Variants in ATOH7 observed in about 807,000 individuals in gnomAD.
ATOH7 encodes the protein atonal bHLH transcription factor 7.
In ATOH7, 11 loss-of-function variants were observed where a neutral mutation model predicts 11.0. The observed-to-expected ratio is 1.00, with a 90% CI of 0.63 to 1.66. The LOEUF (loss-of-function observed/expected upper bound fraction) is 1.66, where lower values mean the gene tolerates loss of function less well. Ranked by LOEUF, ATOH7 falls within the 40% of genes most tolerant of loss-of-function variation. The pLI is 0.00. For synonymous variants in ATOH7, 98 were observed against 98.3 expected (o/e 1.00, Z 0.02); for missense variants, 232 against 219.2 (o/e 1.06, Z -0.37).
rs747495757 is a variant in ATOH7, at chr10:68,231,453, C to G, written c.225G>C (p.Lys75Asn). ...TCTGCAGGGTCTCGTACTTGGACAG[C>G]TTTTTATCCTGGCCCCACTGGGGAA... ...RVVPQWGQDK[K>N]LSKYETLQMA... The change falls in exon 1 of 1, where the codon AAG (lysine) becomes AAC (asparagine). Residue 75 changes from lysine (K) to asparagine (N), a missense_variant. Lys to Asn is a moderately conservative substitution (Grantham distance 94, BLOSUM62 0). Transcript: ENST00000373673. The G allele has an allele frequency of 6.2e-7, 1 of 1,608,758 alleles. No homozygotes were observed. Among genetic ancestry groups the G allele is most frequent in the South Asian group, 1.1e-5 (1 of 90,466 alleles).
rs201162238 is a variant in ATOH7 at position 68,231,322 on chromosome 10, T to C, written c.356A>G (p.Asp119Gly). The C allele has an allele frequency of 2.3e-5, 37 of 1,612,666 alleles. No homozygotes were observed. The highest frequency in any genetic ancestry group is 5.9e-6 in the Non-Finnish European group (7 of 1,179,662). ...CGCGCCCGGGAACGGGAGGTAGTGG[T>C]CGCGGCCGAAGTGCTCACAGTGGAG... Reference protein sequence around the residue: ...VGLHCEHFGRDHYLPFPGAKL... With the variant: ...VGLHCEHFGRGHYLPFPGAKL... Residue 119 changes from aspartate to glycine, a missense_variant, in exon 1 of 1, where the codon GAC becomes GGC. Transcript: ENST00000373673.
Position 68,231,205 on chromosome 10 carries a change from C to T in ATOH7, c.*14G>A, listed in dbSNP as rs371394364. The stretch of plus-strand genomic sequence containing the variant: ...AGCGGCTGCCGGACACCCACCCCCG[C>T]GGAGGCGCGCGCCCTAGGTGGCCAT... On this transcript the variant is annotated 3_prime_UTR_variant, in exon 1 of 1. Coordinates refer to ENST00000373673, the MANE Select transcript of ATOH7 (RefSeq NM_145178.4). The T allele has an allele frequency of 2.0e-6, 3 of 1,500,312 alleles. No homozygotes were observed. The East Asian group carries it at 7.5e-5, about 37-fold the overall frequency. The allele number at this position is 1,500,312 out of a possible 1,614,324, so 92.9% of individuals were successfully genotyped here. A position where few individuals can be genotyped will look rare whatever the true frequency, so the allele number is the denominator to read the frequency against.
In ATOH7 at chr10:68,231,712, C is replaced by T. The variant is rs1228602597; in HGVS notation, c.-35G>A. On this transcript the variant is annotated 5_prime_UTR_variant, in exon 1 of 1. It adds an upstream start codon to the 5' untranslated region. Coordinates refer to ENST00000373673, the MANE Select transcript of ATOH7 (RefSeq NM_145178.4). ...CAAGCAGCGAGGCGCCGACCTCGCA[C>T]GCCCGCCCGCTCAGGACCTGCGCGT... The T allele has an allele frequency of 1.0e-5, 12 of 1,166,374 alleles. No individual in the cohort carries two copies. Among genetic ancestry groups the T allele is most frequent in the Non-Finnish European group, 1.3e-5 (12 of 935,470 alleles). 72.3% of individuals were successfully genotyped at this position (1,166,374 alleles called of 1,614,324 possible). A position where few individuals can be genotyped will look rare whatever the true frequency, so the allele number is the denominator to read the frequency against.
In ATOH7 at chr10:68,231,309, C is replaced by A. The variant is rs755930408; in HGVS notation, c.369G>T (p.Pro123=). ...CEHFGRDHYL[P]FPGAKLPGES... The stretch of plus-strand genomic sequence containing the variant: ...CGCCCGGCAGCTTCGCGCCCGGGAA[C>A]GGGAGGTAGTGGTCGCGGCCGAAGT... Residue 123 remains proline, a synonymous_variant, in exon 1 of 1, where the codon CCG becomes CCT. Transcript: ENST00000373673. 4 of 1,612,072 alleles carry A rather than the reference C, an allele frequency of 2.5e-6. No individual in the cohort carries two copies. The highest frequency in any genetic ancestry group is 3.4e-6 in the Non-Finnish European group (4 of 1,179,390).
chr10:68,231,521 T>A lies in ATOH7; in HGVS notation c.157A>T (p.Met53Leu). The change falls in exon 1 of 1, where the codon ATG (methionine) becomes TTG (leucine). Residue 53 changes from methionine to leucine, a missense_variant. By Grantham distance (15) the Met-to-Leu change is conservative (BLOSUM62 2). Coordinates refer to ENST00000373673, the MANE Select transcript of ATOH7 (RefSeq NM_145178.4). Reference sequence around the variant, plus strand: ...TCGAAGGCAGTGTTGAGCCCCTGCATGCGGCGGCGCTCGCGCGCGTTGGCC... The same window carrying A: ...TCGAAGGCAGTGTTGAGCCCCTGCAAGCGGCGGCGCTCGCGCGCGTTGGCC... ...LAANARERRR[M>L]QGLNTAFDRL... 3 of 1,368,810 alleles carry A rather than the reference T, an allele frequency of 2.2e-6. No homozygotes were observed. Among genetic ancestry groups the A allele is most frequent in the Non-Finnish European group, 2.9e-6 (3 of 1,048,502 alleles). The allele number at this position is 1,368,810 out of a possible 1,614,324, so 84.8% of individuals were successfully genotyped here.
At position 68,230,708 on chromosome 10, in the gene ATOH7, G is replaced by GA. The variant is rs34514031; in HGVS notation, c.*510dup. On this transcript the variant is annotated 3_prime_UTR_variant, in exon 1 of 1. Transcript: ENST00000373673. ...CACCGATACCCATGTACTGTACCCA[G>GA]AAAAAAAAAGTGTTTCTACTTCATG... 3.3e-5 allele frequency: 5 copies of GA among 151,400 alleles called. No homozygotes were observed. The highest frequency in any genetic ancestry group is 9.7e-5 in the African/African-American group (4 of 41,228). 9.4% of individuals were successfully genotyped at this position (151,400 alleles called of 1,614,324 possible). A position where few individuals can be genotyped will look rare whatever the true frequency, so the allele number is the denominator to read the frequency against.
In ATOH7 at chr10:68,230,866, T is replaced by G; in HGVS notation, c.*353A>C. On this transcript the variant is annotated 3_prime_UTR_variant, in exon 1 of 1. Coordinates refer to ENST00000373673, the MANE Select transcript of ATOH7 (RefSeq NM_145178.4). ...AAACTCACAAAGTTTAAGAAAGTGA[T>G]TATTTCTCTGAGGACTGGAACAGAA... 9.2e-6 allele frequency: 2 copies of G among 217,226 alleles called. No homozygotes were observed. Among genetic ancestry groups the G allele is most frequent in the Non-Finnish European group, 9.0e-6 (1 of 110,872 alleles). 13.5% of individuals were successfully genotyped at this position (217,226 alleles called of 1,614,324 possible). A position where few individuals can be genotyped will look rare whatever the true frequency, so the allele number is the denominator to read the frequency against.
chr10:68,231,398 G>A lies in ATOH7; in HGVS notation c.280C>T (p.Arg94Trp), dbSNP rs544409421. The A allele has an allele frequency of 2.1e-5, 34 of 1,613,988 alleles. 1 individual carries two copies. The Admixed American group carries it at 3.5e-4, about 17-fold the overall frequency. ...AATCGCTCGGCCTCGGCCAGGATCC[G>A]GGTCAGAGCCATGATGTAGCTCAGG... Reference protein sequence around the residue: ...MALSYIMALTRILAEAERFGS... With the variant: ...MALSYIMALTWILAEAERFGS... Residue 94 changes from arginine to tryptophan, a missense_variant, in exon 1 of 1, where the codon CGG (arginine) becomes TGG (tryptophan). Coordinates refer to ENST00000373673, the MANE Select transcript of ATOH7 (RefSeq NM_145178.4).
In ATOH7 at chr10:68,231,285, G is replaced by A. The variant is rs146898613; in HGVS notation, c.393C>T (p.Gly131=). 6.2e-7 allele frequency: 1 copy of A among 1,609,378 alleles called. No individual in the cohort carries two copies. The highest frequency in any genetic ancestry group is 2.2e-5 in the East Asian group (1 of 44,566). Residue 131 remains glycine (G), a synonymous_variant, in exon 1 of 1, where the codon GGC becomes GGT. Transcript: ENST00000373673. ...GTCTCTGGCTGTACAGCTCGCTCTC[G>A]CCCGGCAGCTTCGCGCCCGGGAACG... ...YLPFPGAKLP[G]ESELYSQRLF...
rs776797595 is a variant in ATOH7, at chr10:68,231,274, A to G, written c.404T>C (p.Leu135Pro). 9.3e-6 allele frequency: 15 copies of G among 1,605,534 alleles called. No homozygotes were observed. Among genetic ancestry groups the G allele is most frequent in the Non-Finnish European group, 1.2e-5 (14 of 1,177,210 alleles). ...GAAGCCGAAGAGTCTCTGGCTGTAC[A>G]GCTCGCTCTCGCCCGGCAGCTTCGC... ...PGAKLPGESE[L>P]YSQRLFGFQP... The change falls in exon 1 of 1, where the codon CTG (leucine) becomes CCG (proline). Residue 135 changes from leucine to proline, a missense_variant. Coordinates refer to ENST00000373673, the MANE Select transcript of ATOH7 (RefSeq NM_145178.4).
chr10:68,231,406 G>T lies in ATOH7; in HGVS notation c.272C>A (p.Ala91Asp). 1 of 1,613,998 alleles carries T rather than the reference G, an allele frequency of 6.2e-7. No individual in the cohort carries two copies. The highest frequency in any genetic ancestry group is 1.1e-5 in the South Asian group (1 of 91,076). ...TLQMALSYIM[A>D]LTRILAEAER... ...GGCCTCGGCCAGGATCCGGGTCAGA[G>T]CCATGATGTAGCTCAGGGCCATCTG... is the stretch of plus-strand genomic sequence containing the variant. The change falls in exon 1 of 1, where the codon GCT (alanine) becomes GAT (aspartate). Residue 91 changes from alanine to aspartate, a missense_variant. By Grantham distance (126) the Ala-to-Asp change is moderately radical. Transcript: ENST00000373673.
At position 68,231,753 on chromosome 10, in the gene ATOH7, G is replaced by T; in HGVS notation, c.-76C>A. On this transcript the variant is annotated 5_prime_UTR_variant, in exon 1 of 1. Transcript: ENST00000373673. Reference sequence around the variant, plus strand: ...ACCTGCGCGTGGGCTGGTCTCTCGAGCCGCTTCCCAACGTGCCTCTTCTGA... The same window carrying T: ...ACCTGCGCGTGGGCTGGTCTCTCGATCCGCTTCCCAACGTGCCTCTTCTGA... 1.0e-6 allele frequency: 1 copy of T among 997,358 alleles called. No individual in the cohort carries two copies. The highest frequency in any genetic ancestry group is 1.2e-6 in the Non-Finnish European group (1 of 805,432). The allele number at this position is 997,358 out of a possible 1,614,324, so 61.8% of individuals were successfully genotyped here. A position where few individuals can be genotyped will look rare whatever the true frequency, so the allele number is the denominator to read the frequency against.
chr10:68,231,169 C>A lies in ATOH7; in HGVS notation c.*50G>T. ...GGCTTCTGGGCTACTTGGGGCAGGG[C>A]CGAGGCTCGGAGCGGCTGCCGGACA... On this transcript the variant is annotated 3_prime_UTR_variant, in exon 1 of 1. Coordinates refer to ENST00000373673, the MANE Select transcript of ATOH7 (RefSeq NM_145178.4). The A allele has an allele frequency of 7.0e-7, 1 of 1,437,214 alleles. No individual in the cohort carries two copies. 89.0% of individuals were successfully genotyped at this position (1,437,214 alleles called of 1,614,324 possible). A position where few individuals can be genotyped will look rare whatever the true frequency, so the allele number is the denominator to read the frequency against.
At position 68,231,443 on chromosome 10, in the gene ATOH7, A is replaced by G; in HGVS notation, c.235T>C (p.Tyr79His). ...CTCAGGGCCATCTGCAGGGTCTCGTACTTGGACAGCTTTTTATCCTGGCCC... is the reference window on the plus strand; with the variant it reads ...CTCAGGGCCATCTGCAGGGTCTCGTGCTTGGACAGCTTTTTATCCTGGCCC... ...QWGQDKKLSK[Y>H]ETLQMALSYI... Residue 79 changes from tyrosine to histidine, a missense_variant, in exon 1 of 1, where the codon TAC becomes CAC. By Grantham distance (83) the Tyr-to-His change is moderately conservative. Transcript: ENST00000373673. 6.2e-7 allele frequency: 1 copy of G among 1,611,890 alleles called. No individual in the cohort carries two copies. The highest frequency in any genetic ancestry group is 8.5e-7 in the Non-Finnish European group (1 of 1,179,060).
chr10:68,230,946 G>A lies in ATOH7; in HGVS notation c.*273C>T, dbSNP rs1367154165. 5.1e-6 allele frequency: 2 copies of A among 391,400 alleles called. No homozygotes were observed. Among genetic ancestry groups the A allele is most frequent in the Admixed American group, 4.5e-5 (1 of 22,144 alleles). The allele number at this position is 391,400 out of a possible 1,614,324, so 24.2% of individuals were successfully genotyped here. A position where few individuals can be genotyped will look rare whatever the true frequency, so the allele number is the denominator to read the frequency against. On this transcript the variant is annotated 3_prime_UTR_variant, in exon 1 of 1. Transcript: ENST00000373673. ...TTTCCCTCAAAGTAGCCCAGAAAAG[G>A]GGAAAGGGGGCATTATTTTCACAGC...
chr10:68,231,520 A>G lies in ATOH7; in HGVS notation c.158T>C (p.Met53Thr). The change falls in exon 1 of 1, where the codon ATG becomes ACG. Residue 53 changes from methionine to threonine, a missense_variant. Met to Thr is a moderately conservative substitution (Grantham distance 81). Transcript: ENST00000373673. ...GTCGAAGGCAGTGTTGAGCCCCTGCATGCGGCGGCGCTCGCGCGCGTTGGC... is the reference window on the plus strand; with the variant it reads ...GTCGAAGGCAGTGTTGAGCCCCTGCGTGCGGCGGCGCTCGCGCGCGTTGGC... ...LAANARERRR[M>T]QGLNTAFDRL... 3 of 1,370,752 alleles carry G rather than the reference A, an allele frequency of 2.2e-6. No individual in the cohort carries two copies. The highest frequency in any genetic ancestry group is 2.9e-6 in the Non-Finnish European group (3 of 1,049,456). The allele number at this position is 1,370,752 out of a possible 1,614,324, so 84.9% of individuals were successfully genotyped here.
rs2044029315 is a variant in ATOH7 at position 68,231,764 on chromosome 10, A to G, written c.-87T>C. On this transcript the variant is annotated 5_prime_UTR_variant, in exon 1 of 1. Coordinates refer to ENST00000373673, the MANE Select transcript of ATOH7 (RefSeq NM_145178.4). ...GGCTGGTCTCTCGAGCCGCTTCCCA[A>G]CGTGCCTCTTCTGAGCAAATAAGTC... 6.8e-6 allele frequency: 6 copies of G among 888,688 alleles called. No individual in the cohort carries two copies. Among genetic ancestry groups the G allele is most frequent in the Middle Eastern group, 5.3e-4 (1 of 1,878 alleles). 55.1% of individuals were successfully genotyped at this position (888,688 alleles called of 1,614,324 possible).
Position 68,231,483 on chromosome 10 carries a change from C to A in ATOH7, c.195G>T (p.Arg65Ser), listed in dbSNP as rs1469140663. 8.1e-6 allele frequency: 13 copies of A among 1,596,944 alleles called. No homozygotes were observed. The highest frequency in any genetic ancestry group is 1.7e-5 in the Admixed American group (1 of 58,096). ...TATCCTGGCCCCACTGGGGAACCAC[C>A]CTGCGTAAGCGGTCGAAGGCAGTGT... ...GLNTAFDRLR[R>S]VVPQWGQDKK... Residue 65 changes from arginine (R) to serine (S), a missense_variant, in exon 1 of 1, where the codon AGG (arginine) becomes AGT (serine). Physicochemically the swap from Arg to Ser is moderately radical, Grantham distance 110. Coordinates refer to ENST00000373673, the MANE Select transcript of ATOH7 (RefSeq NM_145178.4).
rs1234665539 is a variant in ATOH7 at position 68,231,531 on chromosome 10, C to T, written c.147G>A (p.Glu49=). The change falls in exon 1 of 1, where the codon GAG becomes GAA. Residue 49 remains glutamate, a synonymous_variant. Coordinates refer to ENST00000373673, the MANE Select transcript of ATOH7 (RefSeq NM_145178.4). ...ARRRLAANAR[E]RRRMQGLNTA... is the part of the protein sequence containing the mutation. ...TGTTGAGCCCCTGCATGCGGCGGCG[C>T]TCGCGCGCGTTGGCCGCCAGGCGCC... 3.7e-6 allele frequency: 5 copies of T among 1,343,470 alleles called. No homozygotes were observed. The highest frequency in any genetic ancestry group is 4.8e-6 in the Non-Finnish European group (5 of 1,037,070). The allele number at this position is 1,343,470 out of a possible 1,614,324, so 83.2% of individuals were successfully genotyped here. A position where few individuals can be genotyped will look rare whatever the true frequency, so the allele number is the denominator to read the frequency against.
Sources: gnomAD v4.1 joint callset for allele counts on GRCh38, gnomAD v4.1.1 for gene constraint, MANE v1.5 for transcripts, NCBI Gene and HGNC (gene_info 2026-07-23, HGNC 2026-07-21) for gene names.